ME1: variants seen among roughly 807,000 people sequenced by gnomAD.
The protein encoded by ME1 is NADP-dependent malic enzyme.
Under a neutral mutation model 66.4 loss-of-function variants are expected in ME1, and 74 were observed. The observed-to-expected ratio is 1.11, with a 90% CI of 0.92 to 1.35. The LOEUF (loss-of-function observed/expected upper bound fraction) is 1.35, where lower values mean the gene tolerates loss of function less well. ME1 is among the 40% of genes most tolerant of loss of function. The probability of loss-of-function intolerance (pLI) is 0.00; values close to 1 mark genes in which losing one functional copy is unlikely to be tolerated. For missense variants in ME1, 750 were observed against 694.1 expected, an observed-to-expected ratio of 1.08 and a Z score of -0.90; for synonymous variants, 251 against 235.6, an observed-to-expected ratio of 1.07 and a Z score of -0.60.
intron 5 of ME1, among the ~76,000 whole-genome samples, chr6:83,321,804 A>G (rs1314920456): frequency 6.6e-6 from 1 of 152,256 alleles, no homozygotes; most frequent in Admixed American, 6.5e-5. Context: ...AGCTCTGCTA[A>G]GAAACAGACT....
intron 4 of ME1, among the ~76,000 whole-genome samples, chr6:83,349,224 TA>T (rs1345367546): frequency 3.3e-5 from 5 of 152,062 alleles, no homozygotes; most frequent in African/African-American, 1.2e-4. Context: ...TACTTCCATA[TA>T]AAAGAGTAGA....
At chr6:83,312,355 C>T (rs9449608) in intron 6 of ME1, among the ~76,000 whole-genome samples, 2,073 of 152,256 alleles carry the variant, frequency 0.014, 42 homozygotes, top group African/African-American at 0.048. Context: ...CACAGACCCA[C>T]CTGGTGGTGA....
At chr6:83,423,936 C>A (rs1770319532) in intron 1 of ME1, among the ~76,000 whole-genome samples, 1 of 151,844 alleles carries the variant, frequency 6.6e-6, no homozygotes, top group Non-Finnish European at 1.5e-5. Flanking sequence ...TGGCAAAATG[C>A]CATCTCTACA....
intron 1 of ME1, among the ~76,000 whole-genome samples, chr6:83,430,631 C>G (rs1250988062): frequency 6.6e-6 from 1 of 152,258 alleles, no homozygotes. Context: ...TTACCTCTAT[C>G]CCTAACATGG....
chr6:83,422,307 C>T (rs565215868), intron 1 of ME1, among the ~76,000 whole-genome samples: 5 of 152,238 alleles, frequency 3.3e-5, no homozygotes, highest in East Asian at 1.9e-4. Context: ...ATATCGGAAC[C>T]GCAGGCCACA....
intron 6 of ME1, among the ~76,000 whole-genome samples, chr6:83,312,696 G>A (rs1042386676): frequency 6.6e-6 from 1 of 152,140 alleles, no homozygotes; most frequent in Non-Finnish European, 1.5e-5. Flanking sequence ...CCATGTTGCA[G>A]TATAACCTCT....
chr6:83,252,711 A>G (rs1179744441), intron 7 of ME1, among the ~76,000 whole-genome samples: 1 of 152,212 alleles, frequency 6.6e-6, no homozygotes, highest in African/African-American at 2.4e-5. Context: ...ACAGCAGAAC[A>G]AAAAGAAAAG....
chr6:83,320,995 C>A (rs1768160678), intron 5 of ME1, among the ~76,000 whole-genome samples: 1 of 152,074 alleles, frequency 6.6e-6, no homozygotes. Context: ...GGGTACAGCC[C>A]ACAGAGGGCA....
chr6:83,344,611 C>T (rs771750665), intron 5 of ME1, among the ~76,000 whole-genome samples: 46 of 152,054 alleles, frequency 3.0e-4, no homozygotes, highest in Non-Finnish European at 5.4e-4. Context: ...AGGCCGGGTA[C>T]GGTGGCTCAC....
At chr6:83,323,386 A>C (rs1457777135) in intron 5 of ME1, among the ~76,000 whole-genome samples, 1 of 152,168 alleles carries the variant, frequency 6.6e-6, no homozygotes, top group Admixed American at 6.5e-5. Flanking sequence ...AATACCCATC[A>C]GTGTGCTGTA....
intron 2 of ME1, among the ~76,000 whole-genome samples, chr6:83,405,550 G>T (rs1252922269): frequency 2.0e-5 from 3 of 152,104 alleles, no homozygotes; most frequent in Admixed American, 6.5e-5. Context: ...TGCTGAATAG[G>T]AGTAGTGAGA....
At chr6:83,265,500 T>C (rs552776393) in intron 6 of ME1, among the ~76,000 whole-genome samples, 1 of 152,198 alleles carries the variant, frequency 6.6e-6, no homozygotes, top group African/African-American at 2.4e-5. Flanking sequence ...AAGGGCTCAC[T>C]ACATTGCCCA....
intron 4 of ME1, among the ~76,000 whole-genome samples, chr6:83,348,051 T>C (rs1003498726): frequency 6.6e-6 from 1 of 152,162 alleles, no homozygotes; most frequent in African/African-American, 2.4e-5. Context: ...TCTTGAAAAA[T>C]TGTCTTAAAA....
At chr6:83,396,371 A>G (rs1426084791) in intron 3 of ME1, among the ~76,000 whole-genome samples, 5 of 152,180 alleles carry the variant, frequency 3.3e-5, no homozygotes, top group Non-Finnish European at 7.4e-5. Context: ...TAATAATAAT[A>G]ATGATAGCCA....
chr6:83,267,526 A>G (rs1398763414), intron 6 of ME1, among the ~76,000 whole-genome samples: 1 of 152,214 alleles, frequency 6.6e-6, no homozygotes, highest in African/African-American at 2.4e-5. Context: ...GAACAGTTTT[A>G]GCCTCTCTGA....
At chr6:83,249,111 T>C (rs1226003025) in intron 7 of ME1, among the ~76,000 whole-genome samples, 2 of 152,180 alleles carry the variant, frequency 1.3e-5, no homozygotes, top group African/African-American at 4.8e-5. Context: ...AAAGAAAGAT[T>C]TGACCAATTA....
At chr6:83,323,448 G>T (rs1437016476) in intron 5 of ME1, among the ~76,000 whole-genome samples, 1 of 151,746 alleles carries the variant, frequency 6.6e-6, no homozygotes, top group Non-Finnish European at 1.5e-5. Flanking sequence ...AAAATAAAGG[G>T]ATGGAGGAAG....
chr6:83,427,061 T>C (rs187414396), intron 1 of ME1, among the ~76,000 whole-genome samples: 36 of 152,328 alleles, frequency 2.4e-4, no homozygotes, highest in African/African-American at 7.7e-4. Context: ...AACTCATCTA[T>C]ATTAGACCAT....
intron 6 of ME1, among the ~76,000 whole-genome samples, chr6:83,313,553 G>A (rs760622295): frequency 2.6e-5 from 4 of 152,044 alleles, no homozygotes; most frequent in Non-Finnish European, 4.4e-5. Context: ...TGTTAGCAGC[G>A]TCTGTTTGTT....
Sources: allele counts gnomAD v4.1 joint callset (sites outside exome capture counted in the v4.1 genomes callset), GRCh38; gene constraint gnomAD v4.1.1; transcripts MANE v1.5; gene names NCBI Gene and HGNC (gene_info 2026-07-23, HGNC 2026-07-21).